DRC8: variants seen among roughly 807,000 people sequenced by gnomAD.
DRC8 encodes the protein dynein regulatory complex subunit 8, also known as dynein regulatory complex protein 8.
At chr1:245,075,900 C>T in the DRC8 span, among the ~76,000 whole-genome samples, 1 of 152,122 alleles carries the variant, frequency 6.6e-6, no homozygotes, top group Non-Finnish European at 1.5e-5. Context: ...TTGTTACTCT[C>T]GCCTTTTTTT....
the DRC8 span, among the ~76,000 whole-genome samples, chr1:245,094,865 C>A: frequency 1.3e-5 from 2 of 152,198 alleles, no homozygotes; most frequent in African/African-American, 4.8e-5. Flanking sequence ...ATTACTAATG[C>A]TTTGCTTCAT....
chr1:245,083,304 T>A, the DRC8 span: 1 of 738,888 alleles, frequency 1.4e-6, no homozygotes, highest in Non-Finnish European at 2.3e-6. Flanking sequence ...AAACCATCCC[T>A]CCCCTCCCCT....
chr1:245,061,108 T>A, the DRC8 span, among the ~76,000 whole-genome samples: 2 of 152,242 alleles, frequency 1.3e-5, no homozygotes. Context: ...TACTAGAAGA[T>A]CTGAGTTCAA....
At chr1:244,996,937 C>T in the DRC8 span, among the ~76,000 whole-genome samples, 186 of 152,294 alleles carry the variant, frequency 1.2e-3, 1 homozygote, top group African/African-American at 4.3e-3. Context: ...AAGTCCCTTA[C>T]ATAAAATGGC....
chr1:244,997,719 A>C, the DRC8 span, among the ~76,000 whole-genome samples: 12 of 151,384 alleles, frequency 7.9e-5, no homozygotes, highest in Admixed American at 7.9e-4. Flanking sequence ...AATTTTTTGT[A>C]TTTTTAGTAG....
chr1:244,971,637 C>T, the DRC8 span, among the ~76,000 whole-genome samples: 1 of 152,242 alleles, frequency 6.6e-6, no homozygotes, highest in South Asian at 2.1e-4. Context: ...CTGGAGTGCT[C>T]AAAACACCCT....
At chr1:245,013,431 G>A in the DRC8 span, among the ~76,000 whole-genome samples, 1 of 152,182 alleles carries the variant, frequency 6.6e-6, no homozygotes, top group Non-Finnish European at 1.5e-5. Context: ...CCAAGATACT[G>A]TTATGGCTAA....
the DRC8 span, among the ~76,000 whole-genome samples, chr1:245,025,326 G>A: frequency 6.6e-6 from 1 of 152,098 alleles, no homozygotes; most frequent in Non-Finnish European, 1.5e-5. Context: ...TACACCACAA[G>A]TCCGTAGAGA....
the DRC8 span, chr1:245,087,264 G>A: frequency 1.6e-4 from 253 of 1,609,434 alleles, 1 homozygote; most frequent in African/African-American, 3.0e-3. Context: ...TTTCTCAAGA[G>A]GAAATGGAAG....
the DRC8 span, among the ~76,000 whole-genome samples, chr1:244,978,552 T>G: frequency 6.6e-6 from 1 of 151,918 alleles, no homozygotes; most frequent in African/African-American, 2.4e-5. Flanking sequence ...TGCAGTGGCT[T>G]GATCACAGCT....
the DRC8 span, among the ~76,000 whole-genome samples, chr1:245,000,282 G>A: frequency 3.9e-5 from 6 of 152,196 alleles, no homozygotes; most frequent in African/African-American, 1.2e-4. Context: ...ATGAAGAAGG[G>A]ATGGAGTGGA....
chr1:245,070,009 C>A, the DRC8 span, among the ~76,000 whole-genome samples: 1 of 152,076 alleles, frequency 6.6e-6, no homozygotes, highest in Non-Finnish European at 1.5e-5. Flanking sequence ...GGCACCACCA[C>A]ACTCCAGCCT....
At chr1:245,075,966 C>T in the DRC8 span, among the ~76,000 whole-genome samples, 3 of 152,184 alleles carry the variant, frequency 2.0e-5, no homozygotes, top group African/African-American at 7.2e-5. Flanking sequence ...ACCGCTAACC[C>T]ACATAGCCTG....
the DRC8 span, among the ~76,000 whole-genome samples, chr1:245,080,455 T>C: frequency 1.3e-5 from 2 of 152,230 alleles, no homozygotes; most frequent in Admixed American, 6.5e-5. Context: ...ATACGTATTA[T>C]GATGATTTAA....
chr1:245,075,668 A>C, the DRC8 span: 1 of 152,240 alleles, frequency 6.6e-6, no homozygotes, highest in Non-Finnish European at 1.5e-5. Context: ...TACTTTTAGC[A>C]GGCTACACTC....
the DRC8 span, among the ~76,000 whole-genome samples, chr1:245,049,141 C>T: frequency 6.6e-6 from 1 of 152,130 alleles, no homozygotes; most frequent in Non-Finnish European, 1.5e-5. This position sits in a 1 kb window ranked among gnomAD's most constrained non-coding sequence, Gnocchi z 4.5. Flanking sequence ...TGTACCACTA[C>T]AGCTGGCTAA....
chr1:245,102,023 A>G, the DRC8 span, among the ~76,000 whole-genome samples: 1 of 152,200 alleles, frequency 6.6e-6, no homozygotes, highest in Non-Finnish European at 1.5e-5. Context: ...ATTAGGCAAT[A>G]AGTAGAGGAA....
At chr1:245,086,720 C>T in the DRC8 span, 1 of 533,154 alleles carries the variant, frequency 1.9e-6, no homozygotes, top group African/African-American at 1.9e-5. Flanking sequence ...CTCATGACAA[C>T]CCTATGTGAC....
chr1:245,046,305 C>T, the DRC8 span, among the ~76,000 whole-genome samples: 1 of 151,966 alleles, frequency 6.6e-6, no homozygotes, highest in Non-Finnish European at 1.5e-5. Context: ...ACATTTTTCT[C>T]TTCAGCTGTC....
Sources: gnomAD v4.1 joint callset for allele counts (sites outside exome capture counted in the v4.1 genomes callset) on GRCh38, gnomAD v4.1.1 for gene constraint, Gnocchi (gnomAD v3.1) non-coding constraint, MANE v1.5 for transcripts, NCBI Gene and HGNC (gene_info 2026-07-23, HGNC 2026-07-21) for gene names.